The following DLGAP1 variants were observed in gnomAD, a reference collection of about 807,000 sequenced individuals.
The protein encoded by DLGAP1 is DLG associated protein 1.
Under a neutral mutation model 90.8 loss-of-function variants are expected in DLGAP1, and 11 were observed. That is an observed-to-expected ratio of 0.12 (90% CI 0.08 to 0.20). The LOEUF (loss-of-function observed/expected upper bound fraction) is 0.20, where lower values mean the gene tolerates loss of function less well. Among genes scored for constraint, DLGAP1 ranks in the 10% least tolerant of loss-of-function variants. The pLI, the probability that DLGAP1 is intolerant of heterozygous loss-of-function variation, is 1.00. For missense variants in DLGAP1, 1,050 were observed against 1,333.8 expected (o/e 0.79, Z 3.31); for synonymous variants, 558 against 540.7 (o/e 1.03, Z -0.44).
chr18:4,056,131 G>A (rs188542637), intron 2 of DLGAP1, among the ~76,000 whole-genome samples: 1 of 152,278 alleles, frequency 6.6e-6, no homozygotes, highest in Non-Finnish European at 1.5e-5. Context: ...AGAGAGGCAG[G>A]TTATCTATGG....
intron 1 of DLGAP1, among the ~76,000 whole-genome samples, chr18:4,366,531 A>C (rs1003752471): frequency 6.6e-6 from 1 of 152,024 alleles, no homozygotes; most frequent in Non-Finnish European, 1.5e-5. Context: ...GAGTACATAA[A>C]CCAAATACAG....
intron 1 of DLGAP1, among the ~76,000 whole-genome samples, chr18:4,390,930 C>A (rs992636251): frequency 3.9e-5 from 6 of 152,190 alleles, no homozygotes; most frequent in African/African-American, 1.4e-4. Flanking sequence ...GGGCCTGCTC[C>A]ATCAGCCTGC....
chr18:4,397,909 T>C (rs1228936537), intron 1 of DLGAP1, among the ~76,000 whole-genome samples: 1 of 152,152 alleles, frequency 6.6e-6, no homozygotes, highest in Non-Finnish European at 1.5e-5. Context: ...AAAAAGGTTT[T>C]TTATAGATGA....
chr18:3,855,637 G>A (rs997389702), intron 4 of DLGAP1, among the ~76,000 whole-genome samples: 5 of 151,892 alleles, frequency 3.3e-5, no homozygotes, highest in Admixed American at 1.3e-4. Flanking sequence ...ATTTTGAGAC[G>A]GAGTCTCACT....
At chr18:4,082,224 C>T (rs1160706939) in intron 2 of DLGAP1, among the ~76,000 whole-genome samples, 2 of 151,602 alleles carry the variant, frequency 1.3e-5, no homozygotes, top group Non-Finnish European at 2.9e-5. Context: ...TGCCTGTAAT[C>T]CCAGTTACTT....
At chr18:4,089,722 C>A (rs1289202457) in intron 2 of DLGAP1, among the ~76,000 whole-genome samples, 1 of 152,186 alleles carries the variant, frequency 6.6e-6, no homozygotes, top group Non-Finnish European at 1.5e-5. Context: ...GCTGGGAAAA[C>A]TGGCTAGCCA....
intron 1 of DLGAP1, among the ~76,000 whole-genome samples, chr18:4,337,537 T>C (rs917434754): frequency 2.6e-5 from 4 of 152,140 alleles, no homozygotes; most frequent in East Asian, 3.9e-4. Context: ...CTTAAAAAGA[T>C]TGTAAGAAGA....
chr18:4,272,998 A>C (rs1337654764), intron 1 of DLGAP1, among the ~76,000 whole-genome samples: 1 of 152,088 alleles, frequency 6.6e-6, no homozygotes, highest in Non-Finnish European at 1.5e-5. Flanking sequence ...AGGATGCATC[A>C]AGGAGGGATT....
chr18:4,327,123 A>T (rs1215597152), intron 1 of DLGAP1, among the ~76,000 whole-genome samples: 1 of 152,028 alleles, frequency 6.6e-6, no homozygotes, highest in Non-Finnish European at 1.5e-5. Context: ...TAGACATAGA[A>T]ATAAGTTTTT....
At chr18:3,893,603 A>AATC (rs1362728530) in intron 3 of DLGAP1, among the ~76,000 whole-genome samples, 1 of 148,798 alleles carries the variant, frequency 6.7e-6, no homozygotes, top group Non-Finnish European at 1.5e-5. Flanking sequence ...TAATAATAAT[A>AATC]ATAATAATAA....
intron 2 of DLGAP1, among the ~76,000 whole-genome samples, chr18:4,034,536 G>A (rs2074857069): frequency 6.6e-6 from 1 of 152,062 alleles, no homozygotes; most frequent in Non-Finnish European, 1.5e-5. Flanking sequence ...TGTCAATTTG[G>A]TGGCTCCTGA....
At chr18:4,396,090 G>A (rs905860991) in intron 1 of DLGAP1, among the ~76,000 whole-genome samples, 1 of 152,216 alleles carries the variant, frequency 6.6e-6, no homozygotes, top group East Asian at 1.9e-4. Flanking sequence ...GGCTGCAGAT[G>A]TTTGAAAGAT....
At chr18:4,450,637 TAAG>T (rs1294465773) in intron 1 of DLGAP1, among the ~76,000 whole-genome samples, 12 of 152,332 alleles carry the variant, frequency 7.9e-5, no homozygotes, top group Admixed American at 7.2e-4. Flanking sequence ...TGCTGAATAT[TAAG>T]AAAACCTGGC....
rs1258357671 is a variant in DLGAP1 at position 3,600,935 on chromosome 18, TATAG to T, written c.1592-18691_1592-18688del. On this transcript the variant is annotated intron_variant, in intron 7 of 12. Transcript: ENST00000315677. ...AGATAGATATAGATATATATAGATA[TATAG>T]ATAGATATATAGATATATATAGATA... 9.6e-4 allele frequency among the ~76,000 whole-genome samples: 70 copies of T among 72,852 alleles called. 14 individuals carry two copies. In the South Asian group the frequency reaches 0.016, roughly 16 times the overall value. 47.8% of individuals were successfully genotyped at this position (72,852 alleles called of 152,430 possible).
chr18:4,080,301 AATG>A (rs985069891), intron 2 of DLGAP1, among the ~76,000 whole-genome samples: 1 of 152,240 alleles, frequency 6.6e-6, no homozygotes, highest in African/African-American at 2.4e-5. Context: ...ATCATTTCTT[AATG>A]ATAACGCTAT....
intron 1 of DLGAP1, among the ~76,000 whole-genome samples, chr18:4,434,266 T>C (rs1394940975): frequency 2.0e-5 from 3 of 152,062 alleles, no homozygotes; most frequent in Non-Finnish European, 1.5e-5. Flanking sequence ...TTCTTGACCA[T>C]AGCATCTTTG....
chr18:3,896,071 G>T (rs1236407279), intron 3 of DLGAP1: 1 of 152,116 alleles, frequency 6.6e-6, no homozygotes, highest in Admixed American at 6.5e-5. Flanking sequence ...CTTTATTAAT[G>T]GGCTTATTAC....
At chr18:4,081,191 T>C (rs1264037650) in intron 2 of DLGAP1, among the ~76,000 whole-genome samples, 2 of 152,006 alleles carry the variant, frequency 1.3e-5, no homozygotes, top group Non-Finnish European at 2.9e-5. Flanking sequence ...CCCAGCTGAA[T>C]GCCTTTTCTT....
At chr18:3,830,027 G>A (rs572183187) in intron 4 of DLGAP1, among the ~76,000 whole-genome samples, 21 of 152,248 alleles carry the variant, frequency 1.4e-4, no homozygotes, top group Non-Finnish European at 2.6e-4. Context: ...AGGAACTATG[G>A]TTTGGGTCAA....
Sources: allele counts gnomAD v4.1 joint callset (sites outside exome capture counted in the v4.1 genomes callset), GRCh38; gene constraint gnomAD v4.1.1; transcripts MANE v1.5; gene names NCBI Gene and HGNC (gene_info 2026-07-23, HGNC 2026-07-21).